The following CCDC178 variants were observed in gnomAD, a reference collection of about 807,000 sequenced individuals.
CCDC178 encodes the protein coiled-coil domain-containing protein 178.
Under a neutral mutation model 117.4 loss-of-function variants are expected in CCDC178, and 126 were observed. The observed-to-expected ratio is 1.07, with a 90% CI of 0.93 to 1.24. The LOEUF is 1.24. Among genes scored for constraint, CCDC178 ranks in the 50% most tolerant of loss-of-function variants. CCDC178 has a pLI of 0.00. For missense variants in CCDC178, 1,030 were observed against 986.9 expected, an observed-to-expected ratio of 1.04 and a Z score of -0.59; for synonymous variants, 283 against 313.4, an observed-to-expected ratio of 0.90 and a Z score of 1.02.
intron 9 of CCDC178, among the ~76,000 whole-genome samples, chr18:33,334,391 A>G (rs1221912430): frequency 6.6e-6 from 1 of 152,040 alleles, no homozygotes; most frequent in Non-Finnish European, 1.5e-5. Context: ...AATTTTAAGC[A>G]CAGGGATTTC....
At chr18:33,193,692 A>G (rs1183088731) in intron 20 of CCDC178, among the ~76,000 whole-genome samples, 2 of 152,186 alleles carry the variant, frequency 1.3e-5, no homozygotes, top group African/African-American at 4.8e-5. Context: ...TCAAATACCC[A>G]TAGTTTATTG....
At chr18:33,375,845 G>A (rs2063357588) in intron 5 of CCDC178, among the ~76,000 whole-genome samples, 1 of 152,166 alleles carries the variant, frequency 6.6e-6, no homozygotes, top group Non-Finnish European at 1.5e-5. Flanking sequence ...CTGGTCCACA[G>A]CAACTTCAAT....
chr18:32,951,598 T>C (rs2054484993), intron 22 of CCDC178, among the ~76,000 whole-genome samples: 2 of 152,194 alleles, frequency 1.3e-5, no homozygotes, highest in South Asian at 2.1e-4. Flanking sequence ...GGACTATAAA[T>C]TGAGATTTGG....
At chr18:33,431,191 CT>C (rs35139388) in intron 2 of CCDC178, among the ~76,000 whole-genome samples, 1,573 of 117,256 alleles carry the variant, frequency 0.013, 14 homozygotes, top group African/African-American at 0.04. Flanking sequence ...AATGATTTAA[CT>C]TTTTTTTTTT....
At chr18:33,396,818 G>A (rs1388278412) in intron 4 of CCDC178, among the ~76,000 whole-genome samples, 1 of 152,032 alleles carries the variant, frequency 6.6e-6, no homozygotes, top group African/African-American at 2.4e-5. Flanking sequence ...CTGAAATGCC[G>A]GGAACGTCTA....
Position 33,245,283 on chromosome 18 carries a change from T to C in CCDC178, c.1555A>G (p.Met519Val). 1.3e-6 allele frequency: 2 copies of C among 1,597,860 alleles called. No individual in the cohort carries two copies. The highest frequency in any genetic ancestry group is 1.7e-6 in the Non-Finnish European group (2 of 1,173,348). Residue 519 changes from methionine to valine, a missense_variant, in exon 15 of 23, where the codon ATG becomes GTG. By Grantham distance (21) the Met-to-Val change is conservative (BLOSUM62 1). Coordinates refer to ENST00000383096, the MANE Select transcript of CCDC178 (RefSeq NM_001105528.4). ...FHLTKHKTDE[M>V]EDKIAEVRRK... ...CTCACTTCTGCTATTTTATCTTCCATTTCATCTGTCTTGTGTTTGGTTAGG... is the reference window on the plus strand; with the variant it reads ...CTCACTTCTGCTATTTTATCTTCCACTTCATCTGTCTTGTGTTTGGTTAGG...
chr18:33,319,156 A>G (rs2062465004), intron 11 of CCDC178, among the ~76,000 whole-genome samples: 3 of 151,864 alleles, frequency 2.0e-5, no homozygotes, highest in South Asian at 2.1e-4. Context: ...CTGGTCATTT[A>G]CATTAGGTAT....
chr18:33,410,523 T>C (rs1323042816), intron 3 of CCDC178, among the ~76,000 whole-genome samples: 1 of 152,166 alleles, frequency 6.6e-6, no homozygotes, highest in Admixed American at 6.5e-5. Flanking sequence ...TTTGAAAATA[T>C]GTGGTGATGA....
chr18:33,075,282 T>C (rs2057184290), intron 21 of CCDC178, among the ~76,000 whole-genome samples: 1 of 152,206 alleles, frequency 6.6e-6, no homozygotes, highest in Non-Finnish European at 1.5e-5. Context: ...TGTATCTCCA[T>C]TTAATTTGAA....
chr18:33,064,908 T>A (rs543796841), intron 21 of CCDC178, among the ~76,000 whole-genome samples: 11 of 151,890 alleles, frequency 7.2e-5, no homozygotes, highest in Admixed American at 7.2e-4. Flanking sequence ...ACACTATTCA[T>A]CCATAGTAAA....
intron 6 of CCDC178, among the ~76,000 whole-genome samples, chr18:33,357,366 T>C (rs2063071436): frequency 6.6e-6 from 1 of 152,118 alleles, no homozygotes; most frequent in Non-Finnish European, 1.5e-5. Flanking sequence ...TACATAAATC[T>C]CCTATCTATT....
At position 33,323,577 on chromosome 18, in the gene CCDC178, A is replaced by C; in HGVS notation, c.936T>G (p.Cys312Trp). ...GCTGAGCCTTCAATCTGGCATTTTCACAGGCTTCTAAAGCTTCTTCAAGTT... is the reference window on the plus strand; with the variant it reads ...GCTGAGCCTTCAATCTGGCATTTTCCCAGGCTTCTAAAGCTTCTTCAAGTT... Reference protein sequence around the residue: ...NEELEEALEACENARLKAQQI... With the variant: ...NEELEEALEAWENARLKAQQI... Residue 312 changes from cysteine (C) to tryptophan (W), a missense_variant, in exon 11 of 23, where the codon TGT (cysteine) becomes TGG (tryptophan). By Grantham distance (215) the Cys-to-Trp change is radical. Transcript: ENST00000383096. 6.4e-7 allele frequency: 1 copy of C among 1,572,142 alleles called. No homozygotes were observed. Among genetic ancestry groups the C allele is most frequent in the Non-Finnish European group, 8.6e-7 (1 of 1,158,060 alleles).
intron 20 of CCDC178, among the ~76,000 whole-genome samples, chr18:33,159,123 G>T (rs1252693092): frequency 1.3e-5 from 2 of 152,022 alleles, no homozygotes; most frequent in African/African-American, 4.8e-5. Flanking sequence ...AATTTATTAT[G>T]GGTCACAGTT....
intron 21 of CCDC178, among the ~76,000 whole-genome samples, chr18:33,083,887 C>T (rs1376663557): frequency 6.6e-6 from 1 of 152,136 alleles, no homozygotes; most frequent in Non-Finnish European, 1.5e-5. Context: ...GATCAGATAC[C>T]TATTCAACTA....
intron 21 of CCDC178, among the ~76,000 whole-genome samples, chr18:33,083,144 G>A (rs2057323770): frequency 6.6e-6 from 1 of 152,180 alleles, no homozygotes; most frequent in Non-Finnish European, 1.5e-5. Context: ...GCTGTATCAA[G>A]TAGATTCTGC....
chr18:33,073,515 CTAT>C (rs955156740), intron 21 of CCDC178, among the ~76,000 whole-genome samples: 5 of 138,758 alleles, frequency 3.6e-5, no homozygotes, highest in African/African-American at 1.5e-4. Flanking sequence ...ATCTATCTAT[CTAT>C]CTATCTATCT....
At chr18:33,177,669 T>C (rs1177969046) in intron 20 of CCDC178, among the ~76,000 whole-genome samples, 1 of 152,226 alleles carries the variant, frequency 6.6e-6, no homozygotes, top group Non-Finnish European at 1.5e-5. Context: ...ATCTATGCTT[T>C]TGAAAGAATA....
chr18:33,266,809 TA>T, intron 14 of CCDC178, 106 bp downstream of exon 14: 2 of 1,139,150 alleles, frequency 1.8e-6, no homozygotes, highest in Non-Finnish European at 2.4e-6. Context: ...AAGCTACTGA[TA>T]AACAAAAACA....
intron 11 of CCDC178, among the ~76,000 whole-genome samples, chr18:33,305,064 A>G (rs1311999389): frequency 6.6e-6 from 1 of 152,156 alleles, no homozygotes; most frequent in Non-Finnish European, 1.5e-5. Context: ...TATTAGCTTA[A>G]TGAAACCAAA....
Sources: gnomAD v4.1 joint callset for allele counts (sites outside exome capture counted in the v4.1 genomes callset) on GRCh38, gnomAD v4.1.1 for gene constraint, MANE v1.5 for transcripts, NCBI Gene and HGNC (gene_info 2026-07-23, HGNC 2026-07-21) for gene names.